Variants in TMEM272 observed in about 807,000 individuals in gnomAD.
The protein encoded by TMEM272 is transmembrane protein 272.
A neutral mutation model predicts 3.7 loss-of-function variants in TMEM272; 8 were observed. The observed-to-expected ratio is 2.17, with a 90% CI of 1.27 to 3.91. The LOEUF (loss-of-function observed/expected upper bound fraction) is 3.91, where lower values mean the gene tolerates loss of function less well. TMEM272 is among the 30% of genes most tolerant of loss of function. The pLI is 0.00. For missense variants in TMEM272, 166 were observed against 91.5 expected (o/e 1.81, Z -3.32); for synonymous variants, 63 against 39.8 (o/e 1.58, Z -2.20).
At chr13:51,910,393 C>G in the TMEM272 span, 1 of 1,054,082 alleles carries the variant, frequency 9.5e-7, no homozygotes, top group Non-Finnish European at 1.5e-6. Flanking sequence ...ATAGCAAGCT[C>G]TTTCTCTCTT....
the TMEM272 span, among the ~76,000 whole-genome samples, chr13:51,871,654 G>A: frequency 6.6e-6 from 1 of 152,092 alleles, no homozygotes; most frequent in Non-Finnish European, 1.5e-5. Flanking sequence ...TGTAACCTCA[G>A]CTAGAACCAC....
the TMEM272 span, among the ~76,000 whole-genome samples, chr13:51,906,276 G>C: frequency 1.3e-5 from 2 of 152,178 alleles, no homozygotes; most frequent in African/African-American, 2.4e-5. Context: ...GAGCAGTTAT[G>C]GGGGAGAGAA....
the TMEM272 span, chr13:51,933,359 G>C: frequency 6.6e-6 from 1 of 152,200 alleles, no homozygotes; most frequent in African/African-American, 2.4e-5. Context: ...CTGGTTGGTT[G>C]GGAGGATTAG....
chr13:51,832,305 T>A (rs759467707), intron 2 of TMEM272, among the ~76,000 whole-genome samples: 3 of 152,174 alleles, frequency 2.0e-5, no homozygotes, highest in Non-Finnish European at 4.4e-5. Context: ...TTTAAATGGG[T>A]AATCTTGATA....
the TMEM272 span, among the ~76,000 whole-genome samples, chr13:51,850,468 A>G: frequency 6.6e-6 from 1 of 152,246 alleles, no homozygotes; most frequent in Non-Finnish European, 1.5e-5. Context: ...GTACACTTAC[A>G]TCAATGAGCA....
At chr13:51,868,660 C>T in the TMEM272 span, among the ~76,000 whole-genome samples, 845 of 152,342 alleles carry the variant, frequency 5.5e-3, 20 homozygotes, top group Admixed American at 7.2e-3. Flanking sequence ...TGAGAGAGTT[C>T]CTGGGTCTTT....
At chr13:51,849,723 G>T (rs1452032690), upstream of TMEM272, among the ~76,000 whole-genome samples, 3 of 152,208 alleles carry the variant, frequency 2.0e-5, no homozygotes, top group Non-Finnish European at 2.9e-5. Flanking sequence ...CTGAAGTGGC[G>T]CCTTGGAGTG....
At chr13:51,845,563 G>T (rs1420092732), upstream of TMEM272, among the ~76,000 whole-genome samples, 2 of 152,170 alleles carry the variant, frequency 1.3e-5, no homozygotes, top group African/African-American at 4.8e-5. Flanking sequence ...CGTAGAAAAG[G>T]GATTAAATTG....
At chr13:51,840,784 C>G (rs1426506658) in intron 1 of TMEM272, among the ~76,000 whole-genome samples, 1 of 152,206 alleles carries the variant, frequency 6.6e-6, no homozygotes, top group Non-Finnish European at 1.5e-5. Context: ...CATTTTCCCC[C>G]ACAATGTTCT....
chr13:51,899,665 A>C, the TMEM272 span, among the ~76,000 whole-genome samples: 1 of 152,328 alleles, frequency 6.6e-6, no homozygotes, highest in East Asian at 1.9e-4. Context: ...AGTTAATATA[A>C]AAATGCAAGG....
chr13:51,835,614 T>C (rs1956210512), intron 2 of TMEM272, among the ~76,000 whole-genome samples: 1 of 152,222 alleles, frequency 6.6e-6, no homozygotes, highest in Non-Finnish European at 1.5e-5. Flanking sequence ...TTAGAAGTCA[T>C]TTGAAAGGAA....
chr13:51,882,480 C>A, the TMEM272 span, among the ~76,000 whole-genome samples: 2 of 152,180 alleles, frequency 1.3e-5, no homozygotes, highest in African/African-American at 4.8e-5. Context: ...AATTAAAAAC[C>A]AGACAGGTAG....
At position 51,813,705 on chromosome 13, in the gene TMEM272, C is replaced by G. The variant is rs1955989205; in HGVS notation, c.*3046G>C. 1 of 161,990 alleles carries G rather than the reference C, an allele frequency of 6.2e-6. No individual in the cohort carries two copies. The highest frequency in any genetic ancestry group is 2.4e-5 in the African/African-American group (1 of 41,888). The allele number at this position is 161,990 out of a possible 1,614,324, so 10.0% of individuals were successfully genotyped here. ...AGGGTTCACCAAGATTTGAGAACCA[C>G]TAGTGTGGCTGACTCCAGTGAAACA... is the stretch of plus-strand genomic sequence containing the variant. On this transcript the variant is annotated 3_prime_UTR_variant, in exon 5 of 5. Coordinates refer to ENST00000629372, the MANE Select transcript of TMEM272 (RefSeq NM_001351003.2).
intron 2 of TMEM272, among the ~76,000 whole-genome samples, chr13:51,826,853 T>G (rs965691959): frequency 6.6e-6 from 1 of 152,202 alleles, no homozygotes; most frequent in African/African-American, 2.4e-5. Flanking sequence ...ACTTTGCCGA[T>G]GCCAAGGCCC....
chr13:51,822,910 C>A (rs1956092584), intron 3 of TMEM272, among the ~76,000 whole-genome samples: 1 of 152,202 alleles, frequency 6.6e-6, no homozygotes, highest in African/African-American at 2.4e-5. Flanking sequence ...AGAAGAAATG[C>A]CCATTTCCCT....
At chr13:51,885,152 C>T in the TMEM272 span, among the ~76,000 whole-genome samples, 1 of 152,190 alleles carries the variant, frequency 6.6e-6, no homozygotes, top group African/African-American at 2.4e-5. Flanking sequence ...TATCCATGAA[C>T]ACTTTTGTCT....
chr13:51,884,124 G>C, the TMEM272 span, among the ~76,000 whole-genome samples: 1 of 152,118 alleles, frequency 6.6e-6, no homozygotes, highest in Non-Finnish European at 1.5e-5. Flanking sequence ...TCAATAAAGA[G>C]GTAGAGAATG....
chr13:51,862,829 T>C, the TMEM272 span, among the ~76,000 whole-genome samples: 1 of 152,148 alleles, frequency 6.6e-6, no homozygotes, highest in African/African-American at 2.4e-5. Flanking sequence ...ACATAGAAAA[T>C]CAAATTTCCA....
chr13:51,922,412 T>C, the TMEM272 span, among the ~76,000 whole-genome samples: 1 of 152,202 alleles, frequency 6.6e-6, no homozygotes, highest in Non-Finnish European at 1.5e-5. Flanking sequence ...TTGATACTTT[T>C]CACGGTAATT....
Sources: gnomAD v4.1 joint callset for allele counts (sites outside exome capture counted in the v4.1 genomes callset) on GRCh38, gnomAD v4.1.1 for gene constraint, MANE v1.5 for transcripts, NCBI Gene and HGNC (gene_info 2026-07-23, HGNC 2026-07-21) for gene names.